SYNE2: variants seen among roughly 807,000 people sequenced by gnomAD.
SYNE2 encodes nesprin-2.
Under a neutral mutation model 856.3 loss-of-function variants are expected in SYNE2, and 431 were observed. The observed-to-expected ratio is 0.50, with a 90% CI of 0.47 to 0.55. The LOEUF (loss-of-function observed/expected upper bound fraction) is 0.55, where lower values mean the gene tolerates loss of function less well. Ranked by LOEUF, SYNE2 falls within the 20% of genes least tolerant of loss-of-function variation. The pLI is 0.00. For synonymous variants in SYNE2, 2,923 were observed against 2,872.3 expected (o/e 1.02, Z -0.56); for missense variants, 8,129 against 8,023.2 (o/e 1.01, Z -0.50).
intron 11 of SYNE2, among the ~76,000 whole-genome samples, chr14:63,975,566 T>C (rs2096535555): frequency 1.3e-5 from 2 of 152,170 alleles, no homozygotes; most frequent in Admixed American, 1.3e-4. Flanking sequence ...ACTCCTGTGC[T>C]CAACTGATCC....
At chr14:63,988,667 A>G (rs1952506575) in intron 19 of SYNE2, among the ~76,000 whole-genome samples, 1 of 152,208 alleles carries the variant, frequency 6.6e-6, no homozygotes, top group Non-Finnish European at 1.5e-5. Context: ...GGCAATTGAC[A>G]AAAGAAAGAG....
upstream of SYNE2, among the ~76,000 whole-genome samples, chr14:63,850,878 C>T (rs1320300645): frequency 6.6e-6 from 1 of 152,042 alleles, no homozygotes; most frequent in African/African-American, 2.4e-5. Flanking sequence ...GAGACTGTTA[C>T]CATTATGATT....
At chr14:63,798,479 C>T (rs1281196581) in intron 1 of SYNE2, among the ~76,000 whole-genome samples, 3 of 151,530 alleles carry the variant, frequency 2.0e-5, no homozygotes, top group East Asian at 1.9e-4. Context: ...CTACAACCTC[C>T]GCCTCCTAGG....
At chr14:63,893,794 T>C (rs987487372) in intron 1 of SYNE2, among the ~76,000 whole-genome samples, 7 of 152,144 alleles carry the variant, frequency 4.6e-5, no homozygotes, top group Non-Finnish European at 7.4e-5. Context: ...AAGGAGTGTG[T>C]TTCTCCTTGT....
intron 93 of SYNE2, among the ~76,000 whole-genome samples, 181 bp from the exon 94 acceptor site, chr14:64,170,047 T>C (rs1420345561): frequency 2.0e-5 from 3 of 152,246 alleles, no homozygotes; most frequent in Non-Finnish European, 4.4e-5. Flanking sequence ...TCAGTCTGCA[T>C]GCTGCCCTTC....
At position 64,214,459 on chromosome 14, in the gene SYNE2, G is replaced by A; in HGVS notation, c.19322G>A (p.Ser6441Asn). ...GAGGACGAGGAGGGCCCATACTACA[G>A]CGCACTGTCAGGTAACAGCTGGGTT... ...HEEDEEGPYY[S>N]ALSDVEIPEN... Residue 6441 changes from serine (S) to asparagine (N), a missense_variant, in exon 106 of 116, where the codon AGC becomes AAC. Coordinates refer to ENST00000555002, the MANE Select transcript of SYNE2 (RefSeq NM_182914.3). The A allele has an allele frequency of 6.2e-7, 1 of 1,612,764 alleles. No homozygotes were observed. The highest frequency in any genetic ancestry group is 1.1e-5 in the South Asian group (1 of 91,008).
chr14:63,767,668 C>T (rs1485739759), intron 1 of SYNE2, among the ~76,000 whole-genome samples: 1 of 152,036 alleles, frequency 6.6e-6, no homozygotes, highest in Non-Finnish European at 1.5e-5. Context: ...TTGCCTGGCC[C>T]CTGTGTGCAA....
chr14:64,117,147 G>A (rs1422391619), intron 66 of SYNE2, among the ~76,000 whole-genome samples: 1 of 152,136 alleles, frequency 6.6e-6, no homozygotes, highest in Non-Finnish European at 1.5e-5. Context: ...AACTGAGATG[G>A]CTACAGAGTG....
intron 1 of SYNE2, among the ~76,000 whole-genome samples, chr14:63,842,534 C>T (rs1408259520): frequency 6.6e-6 from 1 of 151,250 alleles, no homozygotes; most frequent in African/African-American, 2.4e-5. Context: ...GATCTCAGCT[C>T]ACTGCAACCA....
rs1024768036 is a variant in SYNE2, at chr14:64,208,885, C to A, written c.18329C>A (p.Thr6110Asn). The change falls in exon 101 of 116, where the codon ACC (threonine) becomes AAC (asparagine). Residue 6110 changes from threonine (T) to asparagine (N), a missense_variant. Physicochemically the swap from Thr to Asn is moderately conservative, Grantham distance 65. This residue lies in a region of SYNE2 where 5,410 missense variants were observed against 5,284.8 expected (regional missense o/e 1.02). Coordinates refer to ENST00000555002, the MANE Select transcript of SYNE2 (RefSeq NM_182914.3). ...GAGTGTGACTCGATCCAGCAGACCA[C>A]CAGGAGCCTGGACAGACGCTGGAGG... ...ETECDSIQQTTRSLDRRWRNI... is the reference protein window; with the variant it reads ...ETECDSIQQTNRSLDRRWRNI... 6 of 1,614,104 alleles carry A rather than the reference C, an allele frequency of 3.7e-6. No individual in the cohort carries two copies. The African/African-American group carries it at 5.3e-5, about 14-fold the overall frequency.
At chr14:63,762,128 C>A in intron 1 of SYNE2, 1 of 415,518 alleles carries the variant, frequency 2.4e-6, no homozygotes. Flanking sequence ...ATAGAAGATT[C>A]CTATAGAAAG....
intron 1 of SYNE2, chr14:63,864,416 T>G (rs904311036): frequency 1.3e-5 from 2 of 152,202 alleles, no homozygotes; most frequent in Admixed American, 1.3e-4. Flanking sequence ...AACCACAGAT[T>G]GATGATTTGG....
chr14:64,020,804 G>A (rs1411030086), intron 35 of SYNE2, among the ~76,000 whole-genome samples: 2 of 152,166 alleles, frequency 1.3e-5, no homozygotes, highest in Non-Finnish European at 2.9e-5. Context: ...GGTACATAGT[G>A]GTTGAATATG....
chr14:64,139,837 C>A (rs2153690611), intron 79 of SYNE2, 104 bp from the exon 80 acceptor site: 2 of 1,131,388 alleles, frequency 1.8e-6, no homozygotes, highest in Non-Finnish European at 2.7e-6. Flanking sequence ...TAGGACTGAT[C>A]AACATAGGAG....
chr14:64,153,743 T>C (rs1338361355), intron 85 of SYNE2, among the ~76,000 whole-genome samples: 1 of 152,088 alleles, frequency 6.6e-6, no homozygotes, highest in African/African-American at 2.4e-5. Context: ...TGTAAACAGA[T>C]AATTACAATA....
At chr14:64,202,684 T>G in intron 99 of SYNE2, 117 bp from the exon 100 acceptor site, 2 of 1,345,876 alleles carry the variant, frequency 1.5e-6, no homozygotes, top group East Asian at 2.4e-5. Context: ...CAAAATAGAT[T>G]CTTTTTTACC....
chr14:63,845,454 T>G (rs2139941494), intron 1 of SYNE2, among the ~76,000 whole-genome samples: 1 of 152,116 alleles, frequency 6.6e-6, no homozygotes, highest in Non-Finnish European at 1.5e-5. Flanking sequence ...TTCATAATAC[T>G]ATGTAATTTT....
At chr14:63,974,880 G>GTATATATATA (rs1297032187) in intron 11 of SYNE2, among the ~76,000 whole-genome samples, 10 of 28,538 alleles carry the variant, frequency 3.5e-4, no homozygotes, top group Non-Finnish European at 4.7e-4. Context: ...GTGTGTGTGT[G>GTATATATATA]TGTGTGTGTG....
chr14:63,939,365 T>TTTAA (rs2095874196), intron 2 of SYNE2, among the ~76,000 whole-genome samples: 1 of 148,328 alleles, frequency 6.7e-6, no homozygotes, highest in African/African-American at 2.6e-5. Context: ...TTTTTTTTTT[T>TTTAA]GAGACGAAGT....
Sources: allele counts gnomAD v4.1 joint callset (sites outside exome capture counted in the v4.1 genomes callset), GRCh38; gene constraint gnomAD v4.1.1; regional missense constraint gnomAD v4.1.1; transcripts MANE v1.5; gene names NCBI Gene and HGNC (gene_info 2026-07-23, HGNC 2026-07-21).